The following TMEM178B variants were observed in gnomAD, a reference collection of about 807,000 sequenced individuals.
TMEM178B encodes transmembrane protein 178B.
TMEM178B carries 5 observed loss-of-function variants against 31.0 expected under a neutral mutation model. The observed-to-expected ratio is 0.16, with a 90% CI of 0.08 to 0.34. TMEM178B has a LOEUF of 0.34. TMEM178B is among the 10% of genes least tolerant of loss of function. The pLI is 1.00. For synonymous variants in TMEM178B, 164 were observed against 164.0 expected (o/e 1.00, Z 0.00); for missense variants, 275 against 400.3 (o/e 0.69, Z 2.67).
At chr7:141,170,814 C>G (rs1436070381) in intron 1 of TMEM178B, among the ~76,000 whole-genome samples, 3 of 152,210 alleles carry the variant, frequency 2.0e-5, no homozygotes, top group Non-Finnish European at 4.4e-5. Flanking sequence ...TTGGTCAGGT[C>G]TTCATTTAAC....
At chr7:141,468,139 C>T (rs868075547) in intron 3 of TMEM178B, among the ~76,000 whole-genome samples, 4 of 152,058 alleles carry the variant, frequency 2.6e-5, no homozygotes, top group African/African-American at 4.8e-5. Flanking sequence ...GGGCTTTGGC[C>T]GATTAAGTTT....
intron 3 of TMEM178B, among the ~76,000 whole-genome samples, chr7:141,466,146 G>A (rs1157921742): frequency 1.3e-5 from 2 of 152,196 alleles, no homozygotes; most frequent in African/African-American, 4.8e-5. Flanking sequence ...CAAGCAAGTT[G>A]TATCACTGGT....
chr7:141,079,005 G>A (rs1232869675), intron 1 of TMEM178B, among the ~76,000 whole-genome samples: 4 of 152,178 alleles, frequency 2.6e-5, no homozygotes, highest in Non-Finnish European at 4.4e-5. Context: ...AAATAAAATA[G>A]GCTGGGCACA....
the TMEM178B span, among the ~76,000 whole-genome samples, chr7:141,499,120 CA>C: frequency 3.4e-4 from 52 of 152,156 alleles, 1 homozygote; most frequent in African/African-American, 1.2e-3. Flanking sequence ...TGGCAAGCTT[CA>C]GGGGCTACTG....
intron 2 of TMEM178B, among the ~76,000 whole-genome samples, chr7:141,262,474 A>AATATATATATATGTATATATATATATAT (rs1798028270): frequency 1.5e-5 from 2 of 131,866 alleles, no homozygotes; most frequent in Non-Finnish European, 3.2e-5. Flanking sequence ...AAATACATAT[A>AATATATATATATGTATATATATATATAT]ATATATATAT....
chr7:141,371,983 T>A (rs529529796), intron 2 of TMEM178B, among the ~76,000 whole-genome samples: 1 of 152,334 alleles, frequency 6.6e-6, no homozygotes, highest in East Asian at 1.9e-4. Flanking sequence ...ACTTCTTAAA[T>A]AACAGTCTTC....
intron 1 of TMEM178B, among the ~76,000 whole-genome samples, chr7:141,142,850 G>A (rs1428346163): frequency 2.0e-5 from 3 of 152,192 alleles, no homozygotes; most frequent in Admixed American, 6.5e-5. Context: ...TAATGTATAA[G>A]CATTGTCTTT....
chr7:141,345,425 ATTTTGTTTTGG>A (rs528342703), intron 2 of TMEM178B, among the ~76,000 whole-genome samples: 2 of 152,082 alleles, frequency 1.3e-5, no homozygotes, highest in Non-Finnish European at 2.9e-5. Flanking sequence ...TTCTGCCTTG[ATTTTGTTTTGG>A]TTTTGTTTGT....
chr7:141,097,225 C>G (rs1586765947), intron 1 of TMEM178B, among the ~76,000 whole-genome samples: 1 of 150,992 alleles, frequency 6.6e-6, no homozygotes, highest in Non-Finnish European at 1.5e-5. Flanking sequence ...TATATCGCAG[C>G]TAACATTGTG....
chr7:141,417,746 C>A (rs544234356), intron 2 of TMEM178B, among the ~76,000 whole-genome samples: 1 of 152,192 alleles, frequency 6.6e-6, no homozygotes, highest in African/African-American at 2.4e-5. Flanking sequence ...CTGTACATTG[C>A]GTGTCTGTTT....
chr7:141,360,314 G>A (rs1361334208), intron 2 of TMEM178B, among the ~76,000 whole-genome samples: 1 of 152,148 alleles, frequency 6.6e-6, no homozygotes, highest in Non-Finnish European at 1.5e-5. Context: ...AGCCAGCCAT[G>A]GTAATCCCAT....
intron 2 of TMEM178B, among the ~76,000 whole-genome samples, chr7:141,385,440 T>G (rs1800415255): frequency 6.6e-6 from 1 of 152,228 alleles, no homozygotes; most frequent in South Asian, 2.1e-4. Context: ...CCCAGATATT[T>G]GGGCTTTTTA....
intron 1 of TMEM178B, among the ~76,000 whole-genome samples, chr7:141,089,524 G>A (rs543485568): frequency 2.6e-5 from 4 of 152,290 alleles, no homozygotes; most frequent in South Asian, 2.1e-4. Flanking sequence ...ATACCCAAAG[G>A]ATTATAAATC....
At chr7:141,124,262 G>T (rs1249000892) in intron 1 of TMEM178B, among the ~76,000 whole-genome samples, 86 of 152,264 alleles carry the variant, frequency 5.6e-4, no homozygotes, top group Non-Finnish European at 1.5e-4. Context: ...AGCTACTCGG[G>T]AGGCTGAGGC....
chr7:141,340,918 CTGTT>C (rs1007694906), intron 2 of TMEM178B, among the ~76,000 whole-genome samples: 24 of 152,244 alleles, frequency 1.6e-4, no homozygotes, highest in African/African-American at 5.3e-4. Context: ...AATTATGTAT[CTGTT>C]TGGTTTCAGC....
intron 2 of TMEM178B, among the ~76,000 whole-genome samples, chr7:141,319,513 G>A (rs1242597245): frequency 2.0e-5 from 3 of 152,176 alleles, no homozygotes; most frequent in Non-Finnish European, 2.9e-5. Flanking sequence ...TTGAAAAACA[G>A]CCTCCCTCAT....
chr7:141,169,297 T>C (rs1020274074), intron 1 of TMEM178B, among the ~76,000 whole-genome samples: 19 of 152,238 alleles, frequency 1.2e-4, no homozygotes, highest in African/African-American at 4.6e-4. Context: ...CATGTGGTAT[T>C]TGGTTTTCTG....
At chr7:141,173,371 T>C (rs1232629527) in intron 1 of TMEM178B, among the ~76,000 whole-genome samples, 1 of 152,192 alleles carries the variant, frequency 6.6e-6, no homozygotes, top group African/African-American at 2.4e-5. Flanking sequence ...GTTTTCTGAT[T>C]GAGCTGAATC....
At chr7:141,196,041 T>G (rs769051385) in intron 1 of TMEM178B, among the ~76,000 whole-genome samples, 1 of 152,096 alleles carries the variant, frequency 6.6e-6, no homozygotes, top group Non-Finnish European at 1.5e-5. Context: ...GAGATTTGAG[T>G]GGGGACACAG....
Sources: gnomAD v4.1 joint callset for allele counts (sites outside exome capture counted in the v4.1 genomes callset) on GRCh38, gnomAD v4.1.1 for gene constraint, MANE v1.5 for transcripts, NCBI Gene and HGNC (gene_info 2026-07-23, HGNC 2026-07-21) for gene names.